MLIP: variants seen among roughly 807,000 people sequenced by gnomAD.
The protein encoded by MLIP is muscular LMNA-interacting protein.
In MLIP, 79 loss-of-function variants were observed where a neutral mutation model predicts 84.8. The observed-to-expected ratio is 0.93, with a 90% CI of 0.78 to 1.12. The LOEUF (loss-of-function observed/expected upper bound fraction) is 1.12, where lower values mean the gene tolerates loss of function less well. Ranked by LOEUF, MLIP falls within the 50% of genes most tolerant of loss-of-function variation. MLIP has a pLI of 0.00. For missense variants in MLIP, 1,257 were observed against 1,160.6 expected (o/e 1.08, Z -1.21); for synonymous variants, 504 against 463.0 (o/e 1.09, Z -1.14).
rs546307556 is a variant in MLIP at position 54,028,277 on chromosome 6, C to A, written c.63+9186C>A. On this transcript the variant is annotated intron_variant, in intron 1 of 12. Coordinates refer to the MLIP transcript ENST00000274897. ...ATGGGTAGCTTCTGGGAAGACACCC[C>A]CCTCCACCCCCAGCTTGGTCTTCAA... Among the ~76,000 whole-genome samples, 3 of 152,134 alleles carry A rather than the reference C, an allele frequency of 2.0e-5. No homozygotes were observed. In the South Asian group the frequency reaches 6.2e-4, roughly 32 times the overall value.
chr6:54,137,398 C>T lies in MLIP; in HGVS notation c.1329C>T (p.Ser443=). The T allele has an allele frequency of 6.5e-7, 1 of 1,536,130 alleles. No individual in the cohort carries two copies. Among genetic ancestry groups the T allele is most frequent in the South Asian group, 1.2e-5 (1 of 84,056 alleles). Residue 443 remains serine, a synonymous_variant, in exon 4 of 14, where the codon TCC becomes TCT. Coordinates refer to ENST00000502396, the MANE Select transcript of MLIP (RefSeq NM_001281747.2). The part of the protein sequence containing the change: ...PASCPTFSLN[S]PASSTLTLDQ... ...CCTGTCCCACCTTCTCTCTCAACTCCCCGGCCTCTTCCACGCTCACACTTG... is the reference window on the plus strand; with the variant it reads ...CCTGTCCCACCTTCTCTCTCAACTCTCCGGCCTCTTCCACGCTCACACTTG...
intron 1 of MLIP, among the ~76,000 whole-genome samples, chr6:54,019,549 A>T (rs750698274): frequency 6.6e-6 from 1 of 152,198 alleles, no homozygotes; most frequent in Non-Finnish European, 1.5e-5. Context: ...GTTTTTTGCC[A>T]TAGAAGTTAT....
chr6:54,048,367 T>C (rs1346489002), intron 1 of MLIP, among the ~76,000 whole-genome samples: 3 of 152,116 alleles, frequency 2.0e-5, no homozygotes, highest in East Asian at 3.9e-4. Flanking sequence ...CAATGACAGA[T>C]ACAGGGCTGG....
chr6:54,092,081 CAA>C (rs1240472636), intron 1 of MLIP, among the ~76,000 whole-genome samples: 1 of 151,984 alleles, frequency 6.6e-6, no homozygotes, highest in Non-Finnish European at 1.5e-5. Flanking sequence ...ATTAAATATC[CAA>C]GAGAGAGGAT....
intron 4 of MLIP, among the ~76,000 whole-genome samples, chr6:54,141,004 G>A (rs1772247198): frequency 6.6e-6 from 1 of 152,042 alleles, no homozygotes; most frequent in African/African-American, 2.4e-5. Flanking sequence ...GAAATAACAG[G>A]GATCATAGAA....
chr6:54,264,863 C>G (rs562405190), intron 13 of MLIP, among the ~76,000 whole-genome samples: 1 of 152,120 alleles, frequency 6.6e-6, no homozygotes, highest in African/African-American at 2.4e-5. Context: ...CATGAGCCAC[C>G]CCTTTGTTAG....
chr6:54,244,627 C>T (rs980874420), intron 12 of MLIP, among the ~76,000 whole-genome samples: 7 of 152,156 alleles, frequency 4.6e-5, no homozygotes, highest in Non-Finnish European at 1.0e-4. Context: ...AGCATTTCAA[C>T]AGAATACATG....
intron 13 of MLIP, chr6:54,261,813 C>T: frequency 2.4e-6 from 2 of 824,348 alleles, no homozygotes; most frequent in Non-Finnish European, 2.9e-6. Flanking sequence ...AAGGCCCACT[C>T]TATTCTTTTC....
chr6:54,181,920 C>T (rs1776913244), intron 9 of MLIP, among the ~76,000 whole-genome samples: 1 of 152,204 alleles, frequency 6.6e-6, no homozygotes, highest in South Asian at 2.1e-4. Context: ...ATTCTCCTCT[C>T]CTTAAGCAGA....
chr6:54,225,919 A>G (rs1003966560), intron 11 of MLIP, among the ~76,000 whole-genome samples: 2 of 152,214 alleles, frequency 1.3e-5, no homozygotes, highest in African/African-American at 2.4e-5. Context: ...AGACACAGCA[A>G]TAAAATTTTA....
chr6:54,111,551 A>G lies in MLIP; in HGVS notation c.72A>G (p.Ser24=). Residue 24 remains serine (S), a synonymous_variant, in exon 1 of 14, where the codon TCA becomes TCG. Transcript: ENST00000502396. ...TCCAAATGACCTCGTGCATCTTATC[A>G]GGGAGCATTCAGACCACACCCCAGG... ...NYFQMTSCIL[S]GSIQTTPQVS... is the part of the protein sequence containing the mutation. The G allele has an allele frequency of 6.5e-7, 1 of 1,536,062 alleles. No homozygotes were observed. The highest frequency in any genetic ancestry group is 1.4e-5 in the African/African-American group (1 of 73,168).
chr6:54,176,294 A>G (rs1453534344), intron 9 of MLIP, among the ~76,000 whole-genome samples: 1 of 151,280 alleles, frequency 6.6e-6, no homozygotes, highest in Non-Finnish European at 1.5e-5. Context: ...GTTTTTTTGA[A>G]TAGCTTAAGT....
intron 13 of MLIP, 94 bp from the exon 14 acceptor site, chr6:54,265,856 A>G: frequency 8.6e-7 from 1 of 1,156,440 alleles, no homozygotes; most frequent in Non-Finnish European, 1.3e-6. Context: ...TTTTTGTAGG[A>G]GATGCTATGC....
At chr6:54,215,427 A>T (rs1015709176) in intron 11 of MLIP, 51 of 1,220,030 alleles carry the variant, frequency 4.2e-5, no homozygotes, top group Non-Finnish European at 5.0e-5. Flanking sequence ...TGATTTTTTT[A>T]AAAGTATAAT....
At chr6:54,177,615 C>T (rs1303809498) in intron 9 of MLIP, among the ~76,000 whole-genome samples, 1 of 151,944 alleles carries the variant, frequency 6.6e-6, no homozygotes, top group Non-Finnish European at 1.5e-5. Flanking sequence ...ATTACTTCAA[C>T]CATTGTGGAA....
intron 11 of MLIP, among the ~76,000 whole-genome samples, chr6:54,207,411 C>T (rs564359034): frequency 2.3e-5 from 2 of 87,174 alleles, no homozygotes; most frequent in Non-Finnish European, 4.5e-5. Context: ...ACCTCTGCAC[C>T]CCCCCCCCCT....
At chr6:54,247,764 T>C (rs1266852693) in intron 12 of MLIP, among the ~76,000 whole-genome samples, 1 of 152,102 alleles carries the variant, frequency 6.6e-6, no homozygotes, top group African/African-American at 2.4e-5. Context: ...ACCAACCACA[T>C]ACCCTCTCCC....
At chr6:54,075,487 G>T (rs1171621104) in intron 1 of MLIP, among the ~76,000 whole-genome samples, 3 of 152,114 alleles carry the variant, frequency 2.0e-5, no homozygotes, top group Non-Finnish European at 4.4e-5. Flanking sequence ...TAAATAGGTT[G>T]CTAATATATG....
intron 9 of MLIP, among the ~76,000 whole-genome samples, chr6:54,184,435 C>T (rs1777192729): frequency 6.6e-6 from 1 of 152,080 alleles, no homozygotes; most frequent in Non-Finnish European, 1.5e-5. Context: ...GTGATGCCGA[C>T]CAAAGGGATA....
Sources: gnomAD v4.1 joint callset for allele counts (sites outside exome capture counted in the v4.1 genomes callset) on GRCh38, gnomAD v4.1.1 for gene constraint, MANE v1.5 for transcripts, NCBI Gene and HGNC (gene_info 2026-07-23, HGNC 2026-07-21) for gene names.